ZNF502: variants seen among roughly 807,000 people sequenced by gnomAD.
ZNF502 encodes the protein zinc finger protein 502.
A neutral mutation model predicts 43.6 loss-of-function variants in ZNF502; 29 were observed. The ratio of observed to expected loss-of-function variants is 0.67; its 90% CI spans 0.50 to 0.91. The LOEUF (loss-of-function observed/expected upper bound fraction) is 0.91. Ranked by LOEUF, ZNF502 falls within the 40% of genes least tolerant of loss-of-function variation. The pLI is 0.00. For missense variants in ZNF502, 591 were observed against 647.2 expected (o/e 0.91, Z 0.94); for synonymous variants, 171 against 207.4 (o/e 0.82, Z 1.51).
chr3:44,713,585 TG>T (rs1704074640), intron 1 of ZNF502, among the ~76,000 whole-genome samples: 1 of 151,632 alleles, frequency 6.6e-6, no homozygotes, highest in African/African-American at 2.4e-5. Flanking sequence ...GTTTTTGGTT[TG>T]TTTTTTTTTT....
Position 44,721,716 on chromosome 3 carries a change from G to T in ZNF502, c.899G>T (p.Cys300Phe), listed in dbSNP as rs745575007. 1.9e-6 allele frequency: 3 copies of T among 1,612,978 alleles called. No homozygotes were observed. Among genetic ancestry groups the T allele is most frequent in the Admixed American group, 1.7e-5 (1 of 59,958 alleles). Residue 300 changes from cysteine to phenylalanine, a missense_variant, in exon 3 of 3, where the codon TGT (cysteine) becomes TTT (phenylalanine). Physicochemically the swap from Cys to Phe is radical, Grantham distance 205. Coordinates refer to ENST00000436624, the MANE Select transcript of ZNF502 (RefSeq NM_001134442.3). The part of the protein sequence containing the change: ...TGEKPYICSE[C>F]GSSFRKHSNL... ...GAGAAGCCTTACATATGCAGTGAAT[G>T]TGGCTCTTCTTTTCGAAAACACTCA... is the stretch of plus-strand genomic sequence containing the variant.
chr3:44,721,096 A>G lies in ZNF502; in HGVS notation c.279A>G (p.Ala93=). 1.2e-6 allele frequency: 2 copies of G among 1,614,118 alleles called. No individual in the cohort carries two copies. The highest frequency in any genetic ancestry group is 1.7e-6 in the Non-Finnish European group (2 of 1,179,998). The change falls in exon 3 of 3, where the codon GCA becomes GCG. Residue 93 remains alanine (A), a synonymous_variant. Coordinates refer to ENST00000436624, the MANE Select transcript of ZNF502 (RefSeq NM_001134442.3). ...FGRITFIHKE[A]PPEIISQGYN... ...GAATAACTTTCATCCACAAAGAAGC[A>G]CCCCCTGAAATTATTAGTCAAGGAT...
At position 44,720,221 on chromosome 3, in the gene ZNF502, C is replaced by G; in HGVS notation, c.-41C>G. The G allele has an allele frequency of 6.2e-7, 1 of 1,612,108 alleles. No individual in the cohort carries two copies. Among genetic ancestry groups the G allele is most frequent in the Non-Finnish European group, 8.5e-7 (1 of 1,178,240 alleles). Reference sequence around the variant, plus strand: ...TGAGCAGGGTTCCCAGTTTTCCAGACCTGAAGTGTTTTCCAATCAAAGCGA... The same window carrying G: ...TGAGCAGGGTTCCCAGTTTTCCAGAGCTGAAGTGTTTTCCAATCAAAGCGA... On this transcript the variant is annotated 5_prime_UTR_variant, in exon 2 of 3. Transcript: ENST00000436624.
rs948130404 is a variant in ZNF502, at chr3:44,722,165, C to T, written c.1348C>T (p.Leu450Phe). 4 of 1,614,062 alleles carry T rather than the reference C, an allele frequency of 2.5e-6. No homozygotes were observed. The highest frequency in any genetic ancestry group is 2.2e-5 in the East Asian group (1 of 44,892). ...CGKGFNQNTC[L>F]TQHMRIHTGE... ...AAAGGGCTTTAATCAGAACACCTGC[C>T]TCACTCAGCATATGAGAATTCATAC... Residue 450 changes from leucine to phenylalanine, a missense_variant, in exon 3 of 3, where the codon CTC becomes TTC. By Grantham distance (22) the Leu-to-Phe change is conservative (BLOSUM62 0). Coordinates refer to ENST00000436624, the MANE Select transcript of ZNF502 (RefSeq NM_001134442.3).
chr3:44,712,918 A>T (rs1363169500), intron 1 of ZNF502, among the ~76,000 whole-genome samples, 178 bp downstream of exon 1: 2 of 152,232 alleles, frequency 1.3e-5, no homozygotes, highest in African/African-American at 2.4e-5. Flanking sequence ...CCCAGCCTGC[A>T]GCCTCAGCAC....
chr3:44,715,441 C>T (rs1400656235), intron 1 of ZNF502, among the ~76,000 whole-genome samples: 1 of 152,100 alleles, frequency 6.6e-6, no homozygotes, highest in Non-Finnish European at 1.5e-5. Flanking sequence ...TGCTTTTTCA[C>T]TTTTTCTTTG....
At position 44,721,232 on chromosome 3, in the gene ZNF502, A is replaced by G; in HGVS notation, c.415A>G (p.Ile139Val). 4 of 1,614,172 alleles carry G rather than the reference A, an allele frequency of 2.5e-6. No individual in the cohort carries two copies. The highest frequency in any genetic ancestry group is 3.4e-6 in the Non-Finnish European group (4 of 1,180,020). Reference sequence around the variant, plus strand: ...AACAAGTAATATACAAACCAATGATATTTCAGACCAAAGTAAATGTCCAAC... The same window carrying G: ...AACAAGTAATATACAAACCAATGATGTTTCAGACCAAAGTAAATGTCCAAC... ...WETSNIQTND[I>V]SDQSKCPTLC... is the part of the protein sequence containing the mutation. The change falls in exon 3 of 3, where the codon ATT (isoleucine) becomes GTT (valine). Residue 139 changes from isoleucine (I) to valine (V), a missense_variant. Transcript: ENST00000436624.
chr3:44,713,845 T>C (rs1310105954), intron 1 of ZNF502, among the ~76,000 whole-genome samples: 1 of 152,146 alleles, frequency 6.6e-6, no homozygotes, highest in Non-Finnish European at 1.5e-5. Flanking sequence ...CTCCCAAAGT[T>C]CTGGGATTAT....
At position 44,722,229 on chromosome 3, in the gene ZNF502, C is replaced by T; in HGVS notation, c.1412C>T (p.Ala471Val). The T allele has an allele frequency of 6.2e-7, 1 of 1,614,148 alleles. No individual in the cohort carries two copies. Among genetic ancestry groups the T allele is most frequent in the Non-Finnish European group, 8.5e-7 (1 of 1,180,020 alleles). The change falls in exon 3 of 3, where the codon GCC (alanine) becomes GTC (valine). Residue 471 changes from alanine to valine, a missense_variant. Physicochemically the swap from Ala to Val is moderately conservative, Grantham distance 64. Coordinates refer to ENST00000436624, the MANE Select transcript of ZNF502 (RefSeq NM_001134442.3). Reference protein sequence around the residue: ...KPYKCKECGKAFAHSSSLTEH... With the variant: ...KPYKCKECGKVFAHSSSLTEH... Reference sequence around the variant, plus strand: ...TATAAATGTAAAGAATGTGGGAAAGCCTTTGCTCATAGCTCATCTCTTACT... The same window carrying T: ...TATAAATGTAAAGAATGTGGGAAAGTCTTTGCTCATAGCTCATCTCTTACT...
rs372093414 is a variant in ZNF502 at position 44,721,613 on chromosome 3, C to A, written c.796C>A (p.Pro266Thr). Residue 266 changes from proline (P) to threonine (T), a missense_variant, in exon 3 of 3, where the codon CCT (proline) becomes ACT (threonine). Transcript: ENST00000436624. ...CCAGAGAATTCACACTGGAGAGAAACCTTATAAATGCAATAGGTGTGGGAA... is the reference window on the plus strand; with the variant it reads ...CCAGAGAATTCACACTGGAGAGAAAACTTATAAATGCAATAGGTGTGGGAA... ...EHQRIHTGEK[P>T]YKCNRCGKAF... 6.2e-7 allele frequency: 1 copy of A among 1,614,108 alleles called. No homozygotes were observed. Among genetic ancestry groups the A allele is most frequent in the Non-Finnish European group, 8.5e-7 (1 of 1,180,006 alleles).
chr3:44,719,581 TCA>T (rs200563788), intron 1 of ZNF502, among the ~76,000 whole-genome samples: 2,125 of 152,338 alleles, frequency 0.014, 31 homozygotes, highest in African/African-American at 0.03. Flanking sequence ...AAAACTTATT[TCA>T]CAGTTAAATT....
chr3:44,722,066 A>G lies in ZNF502; in HGVS notation c.1249A>G (p.Ile417Val), dbSNP rs1173336517. ...YKCSECGKAFIQSICLIRHQR... is the reference protein window; with the variant it reads ...YKCSECGKAFVQSICLIRHQR... Reference sequence around the variant, plus strand: ...ATGCAGTGAATGTGGTAAAGCCTTCATTCAGAGCATTTGCCTTATTCGGCA... The same window carrying G: ...ATGCAGTGAATGTGGTAAAGCCTTCGTTCAGAGCATTTGCCTTATTCGGCA... The change falls in exon 3 of 3, where the codon ATT becomes GTT. Residue 417 changes from isoleucine (I) to valine (V), a missense_variant. Physicochemically the swap from Ile to Val is conservative, Grantham distance 29. Transcript: ENST00000436624. 1.9e-6 allele frequency: 3 copies of G among 1,614,182 alleles called. No homozygotes were observed. The highest frequency in any genetic ancestry group is 2.2e-5 in the South Asian group (2 of 91,082).
At chr3:44,719,496 G>C (rs760800289) in intron 1 of ZNF502, among the ~76,000 whole-genome samples, 6 of 152,226 alleles carry the variant, frequency 3.9e-5, no homozygotes, top group Non-Finnish European at 8.8e-5. Context: ...ATTTTTGAGT[G>C]AACAGTTTTG....
chr3:44,713,513 G>A (rs1414239440), intron 1 of ZNF502, among the ~76,000 whole-genome samples: 6 of 152,070 alleles, frequency 3.9e-5, no homozygotes, highest in Admixed American at 6.5e-5. Flanking sequence ...ACTATTTGAA[G>A]CATTTGTGCT....
At position 44,721,885 on chromosome 3, in the gene ZNF502, T is replaced by C. The variant is rs367753837; in HGVS notation, c.1068T>C (p.Cys356=). The C allele has an allele frequency of 4.2e-5, 67 of 1,613,888 alleles. No individual in the cohort carries two copies. The highest frequency in any genetic ancestry group is 4.2e-5 in the Non-Finnish European group (49 of 1,179,924). Residue 356 remains cysteine, a synonymous_variant, in exon 3 of 3, where the codon TGT becomes TGC. Coordinates refer to ENST00000436624, the MANE Select transcript of ZNF502 (RefSeq NM_001134442.3). Reference sequence around the variant, plus strand: ...AGAAACCCTATAAATGTAAAGAATGTGGCAAAGCCTTTTGTCAGAGCCCAT... The same window carrying C: ...AGAAACCCTATAAATGTAAAGAATGCGGCAAAGCCTTTTGTCAGAGCCCAT... ...SGEKPYKCKE[C]GKAFCQSPSL...
At chr3:44,713,553 G>A (rs1012583388) in intron 1 of ZNF502, among the ~76,000 whole-genome samples, 1 of 151,912 alleles carries the variant, frequency 6.6e-6, no homozygotes, top group Non-Finnish European at 1.5e-5. Context: ...ACAGCGTATT[G>A]CGTGTACAGT....
chr3:44,721,464 G>A lies in ZNF502; in HGVS notation c.647G>A (p.Cys216Tyr). The A allele has an allele frequency of 6.2e-7, 1 of 1,614,214 alleles. No homozygotes were observed. Among genetic ancestry groups the A allele is most frequent in the Non-Finnish European group, 8.5e-7 (1 of 1,180,024 alleles). The stretch of plus-strand genomic sequence containing the variant: ...GTGAAACCATATGGATGTGAGCAGT[G>A]TGGGAAAACATTTCGATGTCGATCA... ...TGVKPYGCEQ[C>Y]GKTFRCRSFL... Residue 216 changes from cysteine to tyrosine, a missense_variant, in exon 3 of 3, where the codon TGT becomes TAT. Physicochemically the swap from Cys to Tyr is radical, Grantham distance 194. Transcript: ENST00000436624.
At position 44,721,932 on chromosome 3, in the gene ZNF502, T is replaced by G; in HGVS notation, c.1115T>G (p.Ile372Ser). Reference protein sequence around the residue: ...QSPSLIKHQRIHTGEKPYKCK... With the variant: ...QSPSLIKHQRSHTGEKPYKCK... ...CCATCTCTTATTAAACACCAGCGAATTCATACTGGAGAAAAACCATATAAG... is the reference window on the plus strand; with the variant it reads ...CCATCTCTTATTAAACACCAGCGAAGTCATACTGGAGAAAAACCATATAAG... Residue 372 changes from isoleucine to serine, a missense_variant, in exon 3 of 3, where the codon ATT (isoleucine) becomes AGT (serine). Coordinates refer to ENST00000436624, the MANE Select transcript of ZNF502 (RefSeq NM_001134442.3). 6.2e-7 allele frequency: 1 copy of G among 1,614,038 alleles called. No individual in the cohort carries two copies. Among genetic ancestry groups the G allele is most frequent in the Non-Finnish European group, 8.5e-7 (1 of 1,180,010 alleles).
intron 1 of ZNF502, among the ~76,000 whole-genome samples, chr3:44,719,114 C>T (rs1390487589): frequency 9.9e-5 from 15 of 152,030 alleles, no homozygotes; most frequent in Non-Finnish European, 1.9e-4. Flanking sequence ...GCTGGGATTA[C>T]AGGCACCTGC....
Sources: allele counts gnomAD v4.1 joint callset (sites outside exome capture counted in the v4.1 genomes callset), GRCh38; gene constraint gnomAD v4.1.1; transcripts MANE v1.5; gene names NCBI Gene and HGNC (gene_info 2026-07-23, HGNC 2026-07-21).